The following CSMD1 variants were observed in gnomAD, a reference collection of about 807,000 sequenced individuals.
CSMD1 encodes CUB and Sushi multiple domains 1.
In CSMD1, 213 loss-of-function variants were observed where a neutral mutation model predicts 417.5. The observed-to-expected ratio is 0.51, with a 90% CI of 0.46 to 0.57. The LOEUF is 0.57. Ranked by LOEUF, CSMD1 falls within the 20% of genes least tolerant of loss-of-function variation. The pLI is 0.00. For missense variants in CSMD1, 6,923 were observed against 4,529.7 expected (o/e 1.53, Z -15.17); for synonymous variants, 2,862 against 1,736.8 (o/e 1.65, Z -16.11).
chr8:4,856,415 A>G (rs911174770), intron 1 of CSMD1, among the ~76,000 whole-genome samples: 11 of 143,002 alleles, frequency 7.7e-5, no homozygotes, highest in Admixed American at 1.4e-4. Flanking sequence ...ACACATAACA[A>G]TATTAACTTT....
chr8:4,982,139 G>C (rs944349601), intron 1 of CSMD1, among the ~76,000 whole-genome samples: 1 of 152,204 alleles, frequency 6.6e-6, no homozygotes, highest in African/African-American at 2.4e-5. Context: ...TGGCTGCTTT[G>C]TGAGACCTTA....
chr8:4,777,399 T>G (rs1351524075), intron 1 of CSMD1, among the ~76,000 whole-genome samples: 1 of 152,184 alleles, frequency 6.6e-6, no homozygotes, highest in Admixed American at 6.5e-5. Flanking sequence ...GAGAGATGTC[T>G]CAGGGGGACA....
chr8:3,853,185 C>G (rs1384807358), intron 5 of CSMD1, among the ~76,000 whole-genome samples: 2 of 152,114 alleles, frequency 1.3e-5, no homozygotes, highest in Non-Finnish European at 2.9e-5. Context: ...ATGCTGCTTC[C>G]CTTCCTTCAC....
At chr8:4,064,105 C>T (rs1054732402) in intron 3 of CSMD1, among the ~76,000 whole-genome samples, 1 of 152,150 alleles carries the variant, frequency 6.6e-6, no homozygotes, top group South Asian at 2.1e-4. Flanking sequence ...TACTCTCCTG[C>T]AGCAAAGGGT....
intron 10 of CSMD1, among the ~76,000 whole-genome samples, chr8:3,562,401 T>C (rs13281130): frequency 0.36 from 48,308 of 134,102 alleles, 8,319 homozygotes; most frequent in Middle Eastern, 0.46. Context: ...CACACATGCA[T>C]ACACACACAT....
chr8:4,578,931 A>G (rs1278262423), intron 2 of CSMD1, among the ~76,000 whole-genome samples: 3 of 151,940 alleles, frequency 2.0e-5, no homozygotes, highest in Admixed American at 6.6e-5. Context: ...GTGGAAAAAT[A>G]TTAAATCAAT....
chr8:3,753,098 T>C (rs1002539073), intron 6 of CSMD1, among the ~76,000 whole-genome samples: 1 of 152,188 alleles, frequency 6.6e-6, no homozygotes, highest in Admixed American at 6.5e-5. Flanking sequence ...CTGCAGGGCT[T>C]GGTGTCCTCT....
intron 5 of CSMD1, among the ~76,000 whole-genome samples, chr8:3,883,870 T>A (rs1233160755): frequency 6.6e-6 from 1 of 152,036 alleles, no homozygotes; most frequent in Non-Finnish European, 1.5e-5. Flanking sequence ...AGGAAAACAA[T>A]ACGGTTTTTC....
intron 2 of CSMD1, among the ~76,000 whole-genome samples, chr8:4,432,179 T>G (rs1456467081): frequency 6.6e-6 from 1 of 152,154 alleles, no homozygotes; most frequent in South Asian, 2.1e-4. Context: ...GCAATTATAT[T>G]GCGAAGTTTG....
chr8:3,311,840 G>T (rs1805375484), intron 23 of CSMD1, among the ~76,000 whole-genome samples: 2 of 151,980 alleles, frequency 1.3e-5, no homozygotes. Context: ...ATTTTCCTGT[G>T]GGACTTACAA....
intron 65 of CSMD1, among the ~76,000 whole-genome samples, chr8:2,951,742 G>A (rs1585042420): frequency 6.6e-6 from 1 of 152,198 alleles, no homozygotes; most frequent in African/African-American, 2.4e-5. Context: ...GCCCTGTCTC[G>A]AAAAAGCTTA....
intron 3 of CSMD1, among the ~76,000 whole-genome samples, chr8:4,119,184 C>T (rs1802336557): frequency 6.6e-6 from 1 of 152,026 alleles, no homozygotes; most frequent in African/African-American, 2.4e-5. Flanking sequence ...GTGCAGCAAA[C>T]CATCGTGGCA....
chr8:4,837,128 C>T (rs888522965), intron 1 of CSMD1, among the ~76,000 whole-genome samples: 5 of 151,878 alleles, frequency 3.3e-5, no homozygotes, highest in African/African-American at 1.2e-4. Context: ...CTAATAGATC[C>T]AAATAATGTT....
intron 3 of CSMD1, among the ~76,000 whole-genome samples, chr8:4,134,624 G>A (rs1341755127): frequency 6.6e-6 from 1 of 152,150 alleles, no homozygotes; most frequent in Non-Finnish European, 1.5e-5. Flanking sequence ...CGTGCTACCT[G>A]ATTCTCTGAT....
intron 3 of CSMD1, among the ~76,000 whole-genome samples, chr8:4,339,989 A>AG (rs1358638194): frequency 1.3e-5 from 2 of 152,132 alleles, no homozygotes; most frequent in Non-Finnish European, 2.9e-5. Flanking sequence ...GCAACACTGC[A>AG]GTCCAGCCTG....
intron 5 of CSMD1, among the ~76,000 whole-genome samples, chr8:3,837,815 T>C (rs1424591270): frequency 6.6e-5 from 10 of 152,118 alleles, no homozygotes; most frequent in Admixed American, 6.6e-4. Context: ...GAACCAGTGC[T>C]TCCCTCTCTA....
At chr8:3,231,939 C>T (rs1563166182) in intron 26 of CSMD1, among the ~76,000 whole-genome samples, 1 of 152,164 alleles carries the variant, frequency 6.6e-6, no homozygotes, top group Admixed American at 6.5e-5. Flanking sequence ...ATTCTCTAAG[C>T]TAATTGAGGC....
Position 3,298,335 on chromosome 8 carries a change from C to G in CSMD1, c.3950+9360G>C, listed in dbSNP as rs74905341. On this transcript the variant is annotated intron_variant, in intron 25 of 69. Coordinates refer to ENST00000635120, the MANE Select transcript of CSMD1 (RefSeq NM_033225.6). ...TAACTCCAAACTGCATCAGAACCAT[C>G]CAAATGTCCATCAGCACCCAGAATG... Among the ~76,000 whole-genome samples the G allele has an allele frequency of 1.7e-4, 26 of 152,284 alleles. No individual in the cohort carries two copies. In the South Asian group the frequency reaches 5.2e-3, roughly 30 times the overall value.
intron 2 of CSMD1, among the ~76,000 whole-genome samples, chr8:4,458,728 T>C (rs1799633620): frequency 6.6e-6 from 1 of 152,154 alleles, no homozygotes; most frequent in Non-Finnish European, 1.5e-5. Context: ...GTGGGAAAAA[T>C]ATTCTCCTTT....
Sources: allele counts gnomAD v4.1 joint callset (sites outside exome capture counted in the v4.1 genomes callset), GRCh38; gene constraint gnomAD v4.1.1; transcripts MANE v1.5; gene names NCBI Gene and HGNC (gene_info 2026-07-23, HGNC 2026-07-21).